Variants in REV3L observed in about 807,000 individuals in gnomAD.
REV3L encodes DNA polymerase zeta catalytic subunit.
In REV3L, 69 loss-of-function variants were observed where a neutral mutation model predicts 299.4. That is an observed-to-expected ratio of 0.23 (90% CI 0.19 to 0.28). The LOEUF (loss-of-function observed/expected upper bound fraction) is 0.28. Ranked by LOEUF, REV3L falls within the 10% of genes least tolerant of loss-of-function variation. The pLI is 1.00. For missense variants in REV3L, 3,128 were observed against 3,693.8 expected, an observed-to-expected ratio of 0.85 and a Z score of 3.97; for synonymous variants, 1,238 against 1,271.4, an observed-to-expected ratio of 0.97 and a Z score of 0.56.
At chr6:111,370,346 C>T (rs1220761407) in intron 13 of REV3L, among the ~76,000 whole-genome samples, 1 of 152,034 alleles carries the variant, frequency 6.6e-6, no homozygotes, top group Non-Finnish European at 1.5e-5. Context: ...TTCATATGCT[C>T]CAGCAGTGAA....
intron 1 of REV3L, among the ~76,000 whole-genome samples, chr6:111,440,154 C>T (rs1210775876): frequency 1.3e-5 from 2 of 152,122 alleles, no homozygotes; most frequent in Admixed American, 1.3e-4. Flanking sequence ...GCAACCACCG[C>T]CTCCGGGGTT....
chr6:111,467,415 G>T (rs1040218641), intron 1 of REV3L, among the ~76,000 whole-genome samples: 1 of 152,116 alleles, frequency 6.6e-6, no homozygotes, highest in East Asian at 1.9e-4. Context: ...CTTCTGTGTG[G>T]TCCACTGCTA....
At chr6:111,417,720 C>A (rs985882358) in intron 1 of REV3L, among the ~76,000 whole-genome samples, 3 of 152,154 alleles carry the variant, frequency 2.0e-5, no homozygotes, top group Non-Finnish European at 4.4e-5. Flanking sequence ...ACATTAGCTT[C>A]TCTTATTTTT....
intron 2 of REV3L, among the ~76,000 whole-genome samples, 198 bp from the exon 3 acceptor site, chr6:111,411,752 TA>T (rs1430237018): frequency 1.6e-4 from 24 of 152,132 alleles, no homozygotes; most frequent in Admixed American, 1.0e-3. Flanking sequence ...GAAGCTTTTT[TA>T]AAAAGTGTAA....
intron 13 of REV3L, among the ~76,000 whole-genome samples, chr6:111,371,993 C>A (rs1779849729): frequency 6.6e-6 from 1 of 152,068 alleles, no homozygotes; most frequent in South Asian, 2.1e-4. Context: ...TACCCAGCCA[C>A]CTGAAAAAAT....
chr6:111,302,826 TG>T (rs1771727812), intron 31 of REV3L, among the ~76,000 whole-genome samples: 1 of 152,138 alleles, frequency 6.6e-6, no homozygotes, highest in Non-Finnish European at 1.5e-5. Flanking sequence ...TGCTTGAACC[TG>T]GAAGGCAGAG....
chr6:111,356,936 T>C (rs1778152474), intron 18 of REV3L, 78 bp downstream of exon 18: 4 of 685,672 alleles, frequency 5.8e-6, no homozygotes, highest in Admixed American at 2.6e-5. Flanking sequence ...ACCTTTACTT[T>C]TATCTTCACT....
chr6:111,423,447 T>C (rs1229185733), intron 1 of REV3L, among the ~76,000 whole-genome samples: 1 of 151,632 alleles, frequency 6.6e-6, no homozygotes, highest in Non-Finnish European at 1.5e-5. Flanking sequence ...AGGAAAAGTG[T>C]AGGTGGGATG....
chr6:111,367,683 C>A lies in REV3L; in HGVS notation c.6105G>T (p.Glu2035Asp), dbSNP rs1393240104. ...TKPTGVVKSA[E>D]NFSSSVNPDD... The stretch of plus-strand genomic sequence containing the variant: ...CTGGGTTAACTGAAGAGCTAAAGTT[C>A]TCAGCAGATTTTACAACTCCAGTTG... Residue 2035 changes from glutamate to aspartate, a missense_variant, in exon 14 of 32, where the codon GAG becomes GAT. Glu to Asp is a conservative substitution (Grantham distance 45). This residue lies in a region of REV3L where 2,409 missense variants were observed against 2,611.8 expected (regional missense o/e 0.92). Coordinates refer to ENST00000368802, the MANE Select transcript of REV3L (RefSeq NM_001372078.1). 6.2e-7 allele frequency: 1 copy of A among 1,614,074 alleles called. No individual in the cohort carries two copies. The highest frequency in any genetic ancestry group is 8.5e-7 in the Non-Finnish European group (1 of 1,180,036).
chr6:111,350,336 A>T (rs979797376), intron 19 of REV3L, among the ~76,000 whole-genome samples: 1 of 152,162 alleles, frequency 6.6e-6, no homozygotes, highest in Non-Finnish European at 1.5e-5. Flanking sequence ...TTTGTTTTTC[A>T]TTTAGCAAAC....
At chr6:111,431,719 T>C (rs1582968916) in intron 1 of REV3L, 1 of 950,368 alleles carries the variant, frequency 1.1e-6, no homozygotes, top group South Asian at 1.4e-5. Flanking sequence ...CTCTGTGGAT[T>C]TGACAGAAGA....
At position 111,311,443 on chromosome 6, in the gene REV3L, T is replaced by C. The variant is rs775329197; in HGVS notation, c.8605-184A>G. The C allele has an allele frequency of 4.1e-4, 174 of 426,972 alleles. 1 individual carries two copies. Among genetic ancestry groups the C allele is most frequent in the Non-Finnish European group, 6.6e-4 (163 of 245,372 alleles). 26.4% of individuals were successfully genotyped at this position (426,972 alleles called of 1,614,324 possible). On this transcript the variant is annotated intron_variant, in intron 28 of 31. Coordinates refer to ENST00000368802, the MANE Select transcript of REV3L (RefSeq NM_001372078.1). ...AAAGTTATTTGAGACTTTAGAGAGC[T>C]TGCTATTTCTAAAAATAGAATATCA...
At chr6:111,363,490 G>T (rs1778903678) in intron 16 of REV3L, among the ~76,000 whole-genome samples, 1 of 151,696 alleles carries the variant, frequency 6.6e-6, no homozygotes, top group African/African-American at 2.4e-5. Context: ...TTTATTTTTT[G>T]GTAGAGACAG....
At chr6:111,355,786 TA>T (rs1332012062) in intron 18 of REV3L, among the ~76,000 whole-genome samples, 1 of 152,156 alleles carries the variant, frequency 6.6e-6, no homozygotes, top group African/African-American at 2.4e-5. Flanking sequence ...CTTGCAGAAA[TA>T]AAAGAAGTGT....
intron 1 of REV3L, among the ~76,000 whole-genome samples, chr6:111,438,390 T>C (rs1382852592): frequency 6.6e-6 from 1 of 151,798 alleles, no homozygotes; most frequent in Non-Finnish European, 1.5e-5. Flanking sequence ...GCACTAAATA[T>C]AGTATTTTTA....
At chr6:111,412,476 T>C (rs928657348) in intron 2 of REV3L, among the ~76,000 whole-genome samples, 5 of 152,128 alleles carry the variant, frequency 3.3e-5, no homozygotes, top group Non-Finnish European at 7.4e-5. Flanking sequence ...TAAACAGGCG[T>C]AAATTTGTGA....
intron 3 of REV3L, 129 bp downstream of exon 3, chr6:111,411,351 A>G: frequency 3.1e-6 from 2 of 641,922 alleles, no homozygotes; most frequent in Non-Finnish European, 5.5e-6. Context: ...CTATACACGT[A>G]CATGTGTATT....
At chr6:111,357,692 C>CA (rs1315621203) in intron 17 of REV3L, among the ~76,000 whole-genome samples, 242 of 139,670 alleles carry the variant, frequency 1.7e-3, no homozygotes, top group African/African-American at 3.9e-3. Context: ...GACTCTGTCT[C>CA]AAAAAAAAAA....
chr6:111,426,125 G>A (rs553704902), intron 1 of REV3L, among the ~76,000 whole-genome samples: 92 of 152,326 alleles, frequency 6.0e-4, no homozygotes, highest in Non-Finnish European at 9.3e-4. Context: ...TGTGGCTGGT[G>A]TCTGAAGTGA....
Sources: gnomAD v4.1 joint callset for allele counts (sites outside exome capture counted in the v4.1 genomes callset) on GRCh38, gnomAD v4.1.1 for gene constraint, gnomAD v4.1.1 regional missense constraint, MANE v1.5 for transcripts, NCBI Gene and HGNC (gene_info 2026-07-23, HGNC 2026-07-21) for gene names.